ADAMTS12: variants seen among roughly 807,000 people sequenced by gnomAD.
The protein encoded by ADAMTS12 is A disintegrin and metalloproteinase with thrombospondin motifs 12.
Under a neutral mutation model 167.8 loss-of-function variants are expected in ADAMTS12, and 118 were observed. The ratio of observed to expected loss-of-function variants is 0.70; its 90% CI spans 0.61 to 0.82. The LOEUF is 0.82. Ranked by LOEUF, ADAMTS12 falls within the 40% of genes least tolerant of loss-of-function variation. ADAMTS12 has a pLI of 0.00. For synonymous variants in ADAMTS12, 704 were observed against 716.9 expected (o/e 0.98, Z 0.29); for missense variants, 1,916 against 1,998.8 (o/e 0.96, Z 0.79).
chr5:33,655,413 C>T lies in ADAMTS12; in HGVS notation c.1190+2771G>A, dbSNP rs1194065018. 2.6e-5 allele frequency among the ~76,000 whole-genome samples: 4 copies of T among 152,190 alleles called. No individual in the cohort carries two copies. In the East Asian group the frequency reaches 7.7e-4, roughly 29 times the overall value. On this transcript the variant is annotated intron_variant, in intron 7 of 23. Transcript: ENST00000504830. ...TCTTCTCACGTTGGGTAGGGTAACT[C>T]TGAAACGTGTGTTGTATATCGTTCT...
At chr5:33,637,793 A>G in intron 11 of ADAMTS12, 47 bp from the exon 12 acceptor site, 1 of 1,595,902 alleles carries the variant, frequency 6.3e-7, no homozygotes, top group South Asian at 1.1e-5. Flanking sequence ...CTTCAACGCC[A>G]GCACTTTCCT....
intron 13 of ADAMTS12, among the ~76,000 whole-genome samples, chr5:33,630,076 G>A (rs1285092708): frequency 6.6e-6 from 1 of 152,168 alleles, no homozygotes; most frequent in Non-Finnish European, 1.5e-5. Flanking sequence ...TAAAACCCCA[G>A]TGCTAAACCA....
intron 20 of ADAMTS12, among the ~76,000 whole-genome samples, chr5:33,560,758 C>T (rs10447124): frequency 7.7e-5 from 9 of 116,772 alleles, no homozygotes; most frequent in South Asian, 5.9e-4. Context: ...CATCACACAC[C>T]GGGGCCTGTT....
chr5:33,658,426 T>C, intron 6 of ADAMTS12, 93 bp from the exon 7 acceptor site: 1 of 1,450,758 alleles, frequency 6.9e-7, no homozygotes, highest in Non-Finnish European at 9.4e-7. Context: ...ACATTCAATA[T>C]GGTCTGTAAA....
intron 19 of ADAMTS12, among the ~76,000 whole-genome samples, chr5:33,567,620 C>G (rs1434654208): frequency 2.0e-5 from 3 of 152,168 alleles, no homozygotes; most frequent in Admixed American, 2.0e-4. Flanking sequence ...ACTATCACTT[C>G]AAAAACACCT....
At position 33,752,888 on chromosome 5, in the gene ADAMTS12, C is replaced by T. The variant is rs140863526; in HGVS notation, c.490-1340G>A. ...CTGGTCTCCACTGGACAGCTCTAGA[C>T]GTGGGAGTCTTTCCAAAATGTTTGC... On this transcript the variant is annotated intron_variant, in intron 2 of 23. Coordinates refer to ENST00000504830, the MANE Select transcript of ADAMTS12 (RefSeq NM_030955.4). 1.4e-4 allele frequency among the ~76,000 whole-genome samples: 21 copies of T among 152,326 alleles called. 1 individual carries two copies. In the East Asian group the frequency reaches 2.5e-3, roughly 18 times the overall value.
chr5:33,574,058 C>A (rs1370870368), intron 19 of ADAMTS12, among the ~76,000 whole-genome samples: 1 of 152,052 alleles, frequency 6.6e-6, no homozygotes, highest in Non-Finnish European at 1.5e-5. Context: ...TACCATCTCA[C>A]ACCAGTTAGA....
At chr5:33,715,867 T>C (rs1743594687) in intron 3 of ADAMTS12, among the ~76,000 whole-genome samples, 1 of 152,162 alleles carries the variant, frequency 6.6e-6, no homozygotes, top group Non-Finnish European at 1.5e-5. Flanking sequence ...GGGAGTTGTC[T>C]AGCCAACCCC....
chr5:33,662,085 G>A (rs1357960350), intron 5 of ADAMTS12, 45 bp from the exon 6 acceptor site: 3 of 1,595,098 alleles, frequency 1.9e-6, no homozygotes, highest in Non-Finnish European at 2.6e-6. Flanking sequence ...AGCTCACTGT[G>A]GTCAGGGACC....
intron 5 of ADAMTS12, among the ~76,000 whole-genome samples, chr5:33,673,549 T>C (rs1478609752): frequency 6.6e-6 from 1 of 152,168 alleles, no homozygotes; most frequent in African/African-American, 2.4e-5. Context: ...TTACCTCCTC[T>C]ACATCTTTGC....
intron 14 of ADAMTS12, 127 bp from the exon 15 acceptor site, chr5:33,616,199 C>G (rs1303171563): frequency 5.4e-6 from 7 of 1,295,360 alleles, no homozygotes; most frequent in Non-Finnish European, 7.3e-6. Flanking sequence ...TGGGTGGCCA[C>G]TGGAATTGGC....
At chr5:33,803,838 G>A (rs1747113708) in intron 2 of ADAMTS12, among the ~76,000 whole-genome samples, 1 of 152,126 alleles carries the variant, frequency 6.6e-6, no homozygotes. Flanking sequence ...AACAGCATGG[G>A]AAAAACCTGC....
chr5:33,792,110 GCC>G (rs746651886), intron 2 of ADAMTS12, among the ~76,000 whole-genome samples: 1 of 148,494 alleles, frequency 6.7e-6, no homozygotes, highest in Non-Finnish European at 1.5e-5. Context: ...CAATTCTCCT[GCC>G]CCAGGCTCCA....
chr5:33,664,876 T>C (rs1741412764), intron 5 of ADAMTS12, among the ~76,000 whole-genome samples: 1 of 152,038 alleles, frequency 6.6e-6, no homozygotes, highest in Admixed American at 6.5e-5. Flanking sequence ...TAGCAAGATA[T>C]GGAATCAACC....
chr5:33,557,044 A>G (rs1055994808), intron 20 of ADAMTS12, among the ~76,000 whole-genome samples: 3 of 152,230 alleles, frequency 2.0e-5, no homozygotes, highest in East Asian at 1.9e-4. Context: ...CAGCAGTTCT[A>G]TCAGGCTTCA....
intron 19 of ADAMTS12, among the ~76,000 whole-genome samples, chr5:33,571,304 C>T (rs1258804225): frequency 6.6e-6 from 1 of 152,046 alleles, no homozygotes; most frequent in Admixed American, 6.6e-5. Context: ...TTTTTTTCAG[C>T]ACCACACCAC....
intron 16 of ADAMTS12, among the ~76,000 whole-genome samples, chr5:33,605,715 A>G (rs1738400905): frequency 6.6e-6 from 1 of 152,224 alleles, no homozygotes; most frequent in South Asian, 2.1e-4. Flanking sequence ...CAGAGAATAA[A>G]GAGGATAATC....
chr5:33,809,060 A>G (rs577610453), intron 2 of ADAMTS12, among the ~76,000 whole-genome samples: 1 of 152,262 alleles, frequency 6.6e-6, no homozygotes, highest in East Asian at 1.9e-4. Context: ...TTCTTATTGA[A>G]GTAATTTTTC....
At position 33,637,784 on chromosome 5, in the gene ADAMTS12, T is replaced by C. The variant is rs143588136; in HGVS notation, c.1719-38A>G. On this transcript the variant is annotated intron_variant, in intron 11 of 23. Transcript: ENST00000504830. The stretch of plus-strand genomic sequence containing the variant: ...CAGACAAGCTTTTCTTTTAGTTTGC[T>C]TCAACGCCAGCACTTTCCTTTAAAA... 6.7e-5 allele frequency: 107 copies of C among 1,603,736 alleles called. No individual in the cohort carries two copies. In the African/African-American group the frequency reaches 1.3e-3, roughly 20 times the overall value.
Sources: allele counts gnomAD v4.1 joint callset (sites outside exome capture counted in the v4.1 genomes callset), GRCh38; gene constraint gnomAD v4.1.1; transcripts MANE v1.5; gene names NCBI Gene and HGNC (gene_info 2026-07-23, HGNC 2026-07-21).